The following AXDND1 variants were observed in gnomAD, a reference collection of about 807,000 sequenced individuals.
AXDND1 encodes the protein axonemal dynein light chain domain containing 1, also known as axonemal dynein light chain domain-containing protein 1.
Under a neutral mutation model 137.5 loss-of-function variants are expected in AXDND1, and 110 were observed. That is an observed-to-expected ratio of 0.80 (90% CI 0.69 to 0.94). The LOEUF (loss-of-function observed/expected upper bound fraction) is 0.94, where lower values mean the gene tolerates loss of function less well. Among genes scored for constraint, AXDND1 ranks in the 40% least tolerant of loss-of-function variants. The pLI is 0.00. For synonymous variants in AXDND1, 414 were observed against 399.7 expected (o/e 1.04, Z -0.43); for missense variants, 1,191 against 1,169.8 (o/e 1.02, Z -0.26).
intron 11 of AXDND1, among the ~76,000 whole-genome samples, chr1:179,405,176 G>A (rs759820706): frequency 2.0e-5 from 3 of 151,876 alleles, no homozygotes; most frequent in African/African-American, 4.8e-5. Flanking sequence ...TGCGGTGTTC[G>A]GTTTTCTGTT....
At chr1:179,458,746 CA>C (rs1661779989) in intron 16 of AXDND1, among the ~76,000 whole-genome samples, 1 of 151,890 alleles carries the variant, frequency 6.6e-6, no homozygotes, top group Non-Finnish European at 1.5e-5. Flanking sequence ...AAAAAAACTA[CA>C]TAAATATAAT....
chr1:179,405,648 A>G (rs773139101), intron 11 of AXDND1, among the ~76,000 whole-genome samples: 2 of 152,132 alleles, frequency 1.3e-5, no homozygotes, highest in Non-Finnish European at 2.9e-5. Flanking sequence ...TCTTCTAGGT[A>G]TTCCAATTTG....
At chr1:179,479,413 T>G (rs1665050682) in intron 17 of AXDND1, among the ~76,000 whole-genome samples, 1 of 147,016 alleles carries the variant, frequency 6.8e-6, no homozygotes, top group African/African-American at 2.5e-5. Context: ...AGGCGGAGAT[T>G]GTGGTGAGCT....
intron 8 of AXDND1, among the ~76,000 whole-genome samples, chr1:179,384,231 A>G (rs1176259697): frequency 1.3e-5 from 2 of 152,068 alleles, no homozygotes; most frequent in African/African-American, 2.4e-5. Flanking sequence ...ATTGTGCCCT[A>G]TTTGCTTTCT....
chr1:179,460,823 G>A (rs149622444), intron 16 of AXDND1, among the ~76,000 whole-genome samples: 130,885 of 152,264 alleles, frequency 0.86, 56,444 homozygotes, highest in East Asian at 0.9. Flanking sequence ...ATTTTTTCAT[G>A]TGTCTGTTGG....
At chr1:179,460,792 T>A (rs183913675) in intron 16 of AXDND1, among the ~76,000 whole-genome samples, 7 of 152,372 alleles carry the variant, frequency 4.6e-5, no homozygotes, top group African/African-American at 9.6e-5. Context: ...TGCATTTCTC[T>A]GATGACCACT....
At chr1:179,541,868 G>T (rs1478470427) in intron 25 of AXDND1, among the ~76,000 whole-genome samples, 1 of 152,068 alleles carries the variant, frequency 6.6e-6, no homozygotes, top group East Asian at 1.9e-4. Context: ...AAATCATGCT[G>T]TATTAATATA....
intron 6 of AXDND1, among the ~76,000 whole-genome samples, chr1:179,381,053 T>C (rs976536532): frequency 1.2e-5 from 1 of 86,166 alleles, no homozygotes; most frequent in Non-Finnish European, 2.4e-5. Flanking sequence ...TTTTTTTTTT[T>C]CTTTGAGACG....
At chr1:179,416,474 G>A (rs897777453) in intron 12 of AXDND1, among the ~76,000 whole-genome samples, 1 of 152,116 alleles carries the variant, frequency 6.6e-6, no homozygotes, top group African/African-American at 2.4e-5. Context: ...TCTGGTTTTA[G>A]TTTTTTGAGG....
At chr1:179,417,337 G>C (rs1460674195) in intron 12 of AXDND1, among the ~76,000 whole-genome samples, 1 of 151,972 alleles carries the variant, frequency 6.6e-6, no homozygotes, top group Non-Finnish European at 1.5e-5. Flanking sequence ...CCATGCAGAA[G>C]GTTTGTAGCT....
At chr1:179,442,872 G>C (rs1571855121) in intron 15 of AXDND1, among the ~76,000 whole-genome samples, 1 of 152,288 alleles carries the variant, frequency 6.6e-6, no homozygotes, top group East Asian at 1.9e-4. Flanking sequence ...GGGAATAAAA[G>C]ACAAGAGACA....
At chr1:179,538,110 T>C (rs1671741905) in intron 25 of AXDND1, among the ~76,000 whole-genome samples, 1 of 152,152 alleles carries the variant, frequency 6.6e-6, no homozygotes, top group Non-Finnish European at 1.5e-5. Flanking sequence ...TTGCTAGCGG[T>C]CTATCTATTT....
intron 23 of AXDND1, among the ~76,000 whole-genome samples, chr1:179,533,308 C>T (rs1671198137): frequency 6.6e-6 from 1 of 152,022 alleles, no homozygotes; most frequent in Non-Finnish European, 1.5e-5. Context: ...CTTTGCCTGG[C>T]AAGATCTACA....
At chr1:179,431,739 A>G (rs112259111) in intron 14 of AXDND1, among the ~76,000 whole-genome samples, 2,667 of 151,824 alleles carry the variant, frequency 0.018, 63 homozygotes, top group African/African-American at 0.059. Context: ...CCGTGTACCC[A>G]TTTCTATTGT....
chr1:179,418,184 G>A (rs1256322179), intron 12 of AXDND1, among the ~76,000 whole-genome samples: 2 of 151,756 alleles, frequency 1.3e-5, no homozygotes, highest in Admixed American at 1.3e-4. Context: ...AGGGAGTGGT[G>A]ATGACTCTTA....
At chr1:179,476,554 C>T (rs923896755) in intron 17 of AXDND1, among the ~76,000 whole-genome samples, 6 of 105,804 alleles carry the variant, frequency 5.7e-5, no homozygotes, top group East Asian at 3.9e-4. Flanking sequence ...ACAAATTCTT[C>T]GGTTTTTTTT....
chr1:179,442,708 C>A (rs1348616552), intron 15 of AXDND1, among the ~76,000 whole-genome samples: 3 of 152,110 alleles, frequency 2.0e-5, no homozygotes, highest in Non-Finnish European at 4.4e-5. Context: ...CATCCGCTGC[C>A]GGCAGACTCA....
At chr1:179,507,037 T>C (rs1391108660) in intron 20 of AXDND1, 2 of 355,360 alleles carry the variant, frequency 5.6e-6, no homozygotes, top group Non-Finnish European at 7.9e-6. Flanking sequence ...TAAAAGACTC[T>C]CCTGTGGCCT....
At chr1:179,472,024 A>G (rs899017693) in intron 17 of AXDND1, among the ~76,000 whole-genome samples, 5 of 151,850 alleles carry the variant, frequency 3.3e-5, no homozygotes, top group Non-Finnish European at 1.5e-5. Flanking sequence ...CCTCCCGAGT[A>G]GCTGGGATTA....
Sources: allele counts gnomAD v4.1 joint callset (sites outside exome capture counted in the v4.1 genomes callset), GRCh38; gene constraint gnomAD v4.1.1; transcripts MANE v1.5; gene names NCBI Gene and HGNC (gene_info 2026-07-23, HGNC 2026-07-21).